CYP2C18: variants seen among roughly 807,000 people sequenced by gnomAD.
CYP2C18 encodes the protein cytochrome P450 family 2 subfamily C member 18, also known as cytochrome P450 2C18.
CYP2C18 carries 38 observed loss-of-function variants against 41.3 expected under a neutral mutation model. That is an observed-to-expected ratio of 0.92 (90% CI 0.71 to 1.21). The LOEUF (loss-of-function observed/expected upper bound fraction) is 1.21, where lower values mean the gene tolerates loss of function less well. Among genes scored for constraint, CYP2C18 ranks in the 50% most tolerant of loss-of-function variants. The pLI is 0.00. For missense variants in CYP2C18, 635 were observed against 591.4 expected, an observed-to-expected ratio of 1.07 and a Z score of -0.77; for synonymous variants, 236 against 210.0, an observed-to-expected ratio of 1.12 and a Z score of -1.07.
chr10:94,722,468 A>G (rs188670859), intron 6 of CYP2C18, among the ~76,000 whole-genome samples: 51 of 152,276 alleles, frequency 3.3e-4, no homozygotes, highest in Non-Finnish European at 5.9e-4. Flanking sequence ...TATAACCATC[A>G]AGTCTTTAAC....
chr10:94,704,712 G>A (rs1317211580), intron 4 of CYP2C18, among the ~76,000 whole-genome samples: 3 of 152,086 alleles, frequency 2.0e-5, no homozygotes, highest in Admixed American at 6.6e-5. Flanking sequence ...AGCCTGTCCC[G>A]CTCTGGGCAT....
chr10:94,718,441 C>G (rs1444389251), intron 5 of CYP2C18, among the ~76,000 whole-genome samples: 2 of 152,056 alleles, frequency 1.3e-5, no homozygotes, highest in Non-Finnish European at 2.9e-5. Context: ...ATTTATTTTT[C>G]TTGTCTCATT....
At chr10:94,692,834 T>C (rs1435020297) in intron 3 of CYP2C18, among the ~76,000 whole-genome samples, 4 of 152,140 alleles carry the variant, frequency 2.6e-5, no homozygotes, top group African/African-American at 4.8e-5. Flanking sequence ...TGGAATACTA[T>C]GCAGCCATAA....
chr10:94,734,682 TGGA>T (rs1847889515), intron 8 of CYP2C18, among the ~76,000 whole-genome samples: 2 of 151,646 alleles, frequency 1.3e-5, no homozygotes, highest in Non-Finnish European at 2.9e-5. Context: ...GAGCTGAGAG[TGGA>T]GGAGATGAAG....
At chr10:94,717,549 T>C (rs942337916) in intron 5 of CYP2C18, among the ~76,000 whole-genome samples, 5 of 152,106 alleles carry the variant, frequency 3.3e-5, no homozygotes, top group Non-Finnish European at 7.4e-5. Flanking sequence ...ATCAATGTCC[T>C]GTAGTTTTTC....
chr10:94,710,780 G>A (rs1245736598), intron 5 of CYP2C18, among the ~76,000 whole-genome samples: 6 of 152,214 alleles, frequency 3.9e-5, no homozygotes, highest in Non-Finnish European at 8.8e-5. Context: ...CATCTGTTGA[G>A]AGGACTAGGT....
At chr10:94,697,483 C>G (rs1847140043) in intron 4 of CYP2C18, among the ~76,000 whole-genome samples, 1 of 152,150 alleles carries the variant, frequency 6.6e-6, no homozygotes, top group Admixed American at 6.5e-5. Context: ...GAAGGAAGCA[C>G]TAAACATGGA....
intron 8 of CYP2C18, among the ~76,000 whole-genome samples, chr10:94,734,009 T>C (rs973848312): frequency 6.6e-6 from 1 of 152,004 alleles, no homozygotes; most frequent in African/African-American, 2.4e-5. Flanking sequence ...TGCTCATTCA[T>C]AGGCCATACC....
intron 7 of CYP2C18, among the ~76,000 whole-genome samples, chr10:94,730,216 C>A (rs1369072392): frequency 6.6e-6 from 1 of 152,094 alleles, no homozygotes; most frequent in Non-Finnish European, 1.5e-5. Context: ...ATATACACAT[C>A]CCATACTCAT....
chr10:94,717,801 G>A (rs7898763), intron 5 of CYP2C18, among the ~76,000 whole-genome samples: 30,384 of 151,944 alleles, frequency 0.2, 3,220 homozygotes, highest in Middle Eastern at 0.23. Flanking sequence ...GTTATATTCT[G>A]TTGGTTGATG....
chr10:94,692,875 C>G (rs145321961), intron 3 of CYP2C18, among the ~76,000 whole-genome samples: 3,444 of 152,120 alleles, frequency 0.023, 122 homozygotes, highest in African/African-American at 0.076. Context: ...TTTGTAAGGA[C>G]ATGAATGAAG....
chr10:94,684,018 T>C (rs1324618366), intron 1 of CYP2C18, 31 bp downstream of exon 1: 16 of 1,509,016 alleles, frequency 1.1e-5, no homozygotes, highest in Non-Finnish European at 1.4e-5. Context: ...TCCAGTAATG[T>C]ACAAGGTGTA....
At chr10:94,724,062 G>A (rs577928307) in intron 6 of CYP2C18, among the ~76,000 whole-genome samples, 2 of 151,148 alleles carry the variant, frequency 1.3e-5, no homozygotes, top group African/African-American at 2.4e-5. Context: ...AGTTTATAAT[G>A]TACTAAATAT....
chr10:94,729,246 T>C (rs1293187569), intron 7 of CYP2C18, among the ~76,000 whole-genome samples: 7 of 152,038 alleles, frequency 4.6e-5, no homozygotes, highest in Non-Finnish European at 8.8e-5. Flanking sequence ...AATTTTAAGT[T>C]CCGAATACCA....
chr10:94,699,330 C>T (rs1361644219), intron 4 of CYP2C18, among the ~76,000 whole-genome samples: 1 of 152,180 alleles, frequency 6.6e-6, no homozygotes, highest in Non-Finnish European at 1.5e-5. Context: ...TCAACATACA[C>T]AAATCAATAA....
chr10:94,711,542 G>C (rs1847435649), intron 5 of CYP2C18, among the ~76,000 whole-genome samples: 1 of 151,850 alleles, frequency 6.6e-6, no homozygotes. Context: ...CCAGTAGTTG[G>C]GACTGCAGGT....
chr10:94,720,590 G>A, intron 6 of CYP2C18, 53 bp downstream of exon 6: 1 of 1,532,758 alleles, frequency 6.5e-7, no homozygotes, highest in East Asian at 2.3e-5. Flanking sequence ...ATGTTGGGAA[G>A]ACACTGCTAT....
At chr10:94,728,694 C>T in intron 7 of CYP2C18, 3 of 641,054 alleles carry the variant, frequency 4.7e-6, no homozygotes, top group Non-Finnish European at 5.8e-6. Flanking sequence ...TTAGATCAGA[C>T]CTCCATTTTA....
At chr10:94,696,043 T>A (rs113645150) in intron 4 of CYP2C18, among the ~76,000 whole-genome samples, 1 of 152,140 alleles carries the variant, frequency 6.6e-6, no homozygotes, top group Non-Finnish European at 1.5e-5. Flanking sequence ...CTCTGTAGAC[T>A]CCACCTCTGG....
Sources: gnomAD v4.1 joint callset for allele counts (sites outside exome capture counted in the v4.1 genomes callset) on GRCh38, gnomAD v4.1.1 for gene constraint, MANE v1.5 for transcripts, NCBI Gene and HGNC (gene_info 2026-07-23, HGNC 2026-07-21) for gene names.